C16orf87: variants seen among roughly 807,000 people sequenced by gnomAD.
C16orf87 encodes the protein HDAC and MIER1 interacting protein 1.
C16orf87 carries 13 observed loss-of-function variants against 21.0 expected under a neutral mutation model. The observed-to-expected ratio is 0.62, with a 90% CI of 0.40 to 0.98. C16orf87 has a LOEUF of 0.98. Among genes scored for constraint, C16orf87 ranks in the 50% least tolerant of loss-of-function variants. C16orf87 has a pLI of 0.00. For synonymous variants in C16orf87, 49 were observed against 60.2 expected (o/e 0.81, Z 0.86); for missense variants, 113 against 180.4 (o/e 0.63, Z 2.14).
intron 1 of C16orf87, among the ~76,000 whole-genome samples, chr16:46,830,076 T>C (rs1359070785): frequency 2.0e-5 from 3 of 152,130 alleles, no homozygotes; most frequent in African/African-American, 7.2e-5. Flanking sequence ...TGAAGTAGTT[T>C]TAACTCATTA....
At chr16:46,827,949 T>C (rs1038091286) in intron 1 of C16orf87, among the ~76,000 whole-genome samples, 2 of 151,368 alleles carry the variant, frequency 1.3e-5, no homozygotes, top group Admixed American at 6.6e-5. Flanking sequence ...TTTTTACTTT[T>C]TTTTTTTGAG....
chr16:46,804,912 T>C (rs1967882151), intron 3 of C16orf87, among the ~76,000 whole-genome samples: 1 of 152,244 alleles, frequency 6.6e-6, no homozygotes, highest in African/African-American at 2.4e-5. Flanking sequence ...TTGAAATTCA[T>C]TGATGCTAGT....
intron 2 of C16orf87, among the ~76,000 whole-genome samples, chr16:46,817,289 T>C (rs1968277410): frequency 6.6e-6 from 1 of 152,182 alleles, no homozygotes. Flanking sequence ...GAAATGCACA[T>C]TATGTCTTTT....
intron 2 of C16orf87, among the ~76,000 whole-genome samples, chr16:46,812,314 G>GT (rs1283711102): frequency 1.3e-5 from 2 of 152,084 alleles, no homozygotes; most frequent in African/African-American, 4.8e-5. Context: ...TTTAAAATCT[G>GT]TTTTTAAAAT....
intron 2 of C16orf87, among the ~76,000 whole-genome samples, chr16:46,821,254 AC>A (rs1959403086): frequency 6.6e-6 from 1 of 152,230 alleles, no homozygotes; most frequent in South Asian, 2.1e-4. Flanking sequence ...TTATAAACAA[AC>A]AACAGTTGCT....
chr16:46,811,502 CAAAAAAA>C (rs59450750), intron 2 of C16orf87, among the ~76,000 whole-genome samples: 2 of 134,910 alleles, frequency 1.5e-5, no homozygotes, highest in Non-Finnish European at 3.2e-5. Flanking sequence ...AACTCCATCT[CAAAAAAA>C]AAAAAAAAGA....
chr16:46,824,123 T>C (rs1403329941), intron 2 of C16orf87, among the ~76,000 whole-genome samples: 1 of 152,236 alleles, frequency 6.6e-6, no homozygotes, highest in Non-Finnish European at 1.5e-5. Flanking sequence ...GGTCACTCCC[T>C]TGCTAAAACC....
At chr16:46,827,357 T>C (rs1026195025) in intron 1 of C16orf87, among the ~76,000 whole-genome samples, 1 of 152,320 alleles carries the variant, frequency 6.6e-6, no homozygotes, top group African/African-American at 2.4e-5. Flanking sequence ...TTAATTATAG[T>C]ATAATTTAGA....
At chr16:46,821,730 C>T (rs1596822977) in intron 2 of C16orf87, among the ~76,000 whole-genome samples, 3 of 152,198 alleles carry the variant, frequency 2.0e-5, no homozygotes, top group Admixed American at 2.0e-4. Flanking sequence ...TGAATGCCTT[C>T]CTCTTCCTAA....
chr16:46,811,123 T>G (rs551842500), intron 2 of C16orf87, among the ~76,000 whole-genome samples: 49 of 151,922 alleles, frequency 3.2e-4, no homozygotes, highest in African/African-American at 9.9e-4. Flanking sequence ...GAAGAAGGAA[T>G]GACAGAATCA....
intron 3 of C16orf87, among the ~76,000 whole-genome samples, chr16:46,809,366 T>A (rs1200173599): frequency 6.6e-6 from 1 of 152,102 alleles, no homozygotes; most frequent in Non-Finnish European, 1.5e-5. Flanking sequence ...TCTATTATCA[T>A]CAGTTTATAG....
At chr16:46,830,308 G>GAGAGAGAGAGAGAGAGAGAC (rs1555479576) in intron 1 of C16orf87, among the ~76,000 whole-genome samples, 2 of 23,012 alleles carry the variant, frequency 8.7e-5, no homozygotes, top group Non-Finnish European at 2.3e-4. Flanking sequence ...GAGAGAGAGA[G>GAGAGAGAGAGAGAGAGAGAC]ACACACAGAG....
intron 1 of C16orf87, among the ~76,000 whole-genome samples, chr16:46,829,408 T>C (rs1384972221): frequency 2.6e-5 from 4 of 152,196 alleles, no homozygotes; most frequent in Non-Finnish European, 5.9e-5. Context: ...AAGTTTATTA[T>C]CCTTTGCTCT....
intron 2 of C16orf87, among the ~76,000 whole-genome samples, chr16:46,817,087 C>G (rs537352539): frequency 2.2e-4 from 33 of 152,176 alleles, no homozygotes; most frequent in African/African-American, 7.7e-4. Context: ...AAAGGCAATC[C>G]TAACATGATC....
At chr16:46,822,552 CATG>C (rs1316141281) in intron 2 of C16orf87, among the ~76,000 whole-genome samples, 2 of 152,152 alleles carry the variant, frequency 1.3e-5, no homozygotes, top group Non-Finnish European at 2.9e-5. Context: ...TGTTCATTCT[CATG>C]ATGAGAAGAG....
intron 3 of C16orf87, among the ~76,000 whole-genome samples, chr16:46,808,497 T>G (rs1967990844): frequency 2.0e-5 from 3 of 152,208 alleles, no homozygotes. Context: ...AGACAGAACG[T>G]CTGAAAAGCA....
chr16:46,830,395 G>A (rs1172901686), intron 1 of C16orf87, among the ~76,000 whole-genome samples: 7 of 152,130 alleles, frequency 4.6e-5, no homozygotes. Flanking sequence ...GAGGGGTGGG[G>A]AAGTTAGGAG....
rs188277260 is a variant in C16orf87, at chr16:46,802,912, T to C, written c.*40A>G. 40 of 951,018 alleles carry C rather than the reference T, an allele frequency of 4.2e-5. No individual in the cohort carries two copies. The East Asian group carries it at 9.3e-4, about 22-fold the overall frequency. The allele number at this position is 951,018 out of a possible 1,614,324, so 58.9% of individuals were successfully genotyped here. The stretch of plus-strand genomic sequence containing the variant: ...ATAACTGTTTGAGAATTTGCTGATG[T>C]TATCCTGACAGAAGTTTCAGCAGAT... On this transcript the variant is annotated 3_prime_UTR_variant, in exon 4 of 4. Coordinates refer to ENST00000285697, the MANE Select transcript of C16orf87 (RefSeq NM_001001436.4).
At chr16:46,826,834 G>A (rs1959639721) in intron 1 of C16orf87, among the ~76,000 whole-genome samples, 1 of 152,194 alleles carries the variant, frequency 6.6e-6, no homozygotes, top group South Asian at 2.1e-4. Context: ...AATGTAAATT[G>A]TTTTAAATTA....
Sources: allele counts gnomAD v4.1 joint callset (sites outside exome capture counted in the v4.1 genomes callset), GRCh38; gene constraint gnomAD v4.1.1; transcripts MANE v1.5; gene names NCBI Gene and HGNC (gene_info 2026-07-23, HGNC 2026-07-21).